The following PRKDC variants were observed in gnomAD, a reference collection of about 807,000 sequenced individuals.
PRKDC encodes DNA-dependent protein kinase catalytic subunit.
In PRKDC, 82 loss-of-function variants were observed where a neutral mutation model predicts 486.9. That is an observed-to-expected ratio of 0.17 (90% CI 0.14 to 0.20). PRKDC has a LOEUF of 0.20. Ranked by LOEUF, PRKDC falls within the 10% of genes least tolerant of loss-of-function variation. The probability of loss-of-function intolerance (pLI) is 1.00; values close to 1 mark genes in which losing one functional copy is unlikely to be tolerated. For missense variants in PRKDC, 4,504 were observed against 5,038.2 expected (o/e 0.89, Z 3.21); for synonymous variants, 1,895 against 1,837.0 (o/e 1.03, Z -0.81).
At chr8:47,953,748 T>C in intron 6 of PRKDC, 29 bp from the exon 7 acceptor site, 3 of 1,592,020 alleles carry the variant, frequency 1.9e-6, no homozygotes, top group Non-Finnish European at 2.6e-6. Flanking sequence ...GAAGATGTCA[T>C]TACAAGAGAA....
At chr8:47,830,789 A>G in intron 60 of PRKDC, 53 bp from the exon 61 acceptor site, 9 of 1,609,108 alleles carry the variant, frequency 5.6e-6, no homozygotes, top group Non-Finnish European at 7.7e-6. Context: ...GAAGGAAACT[A>G]GTCGTGCATG....
chr8:47,842,773 C>T (rs1156460658), intron 54 of PRKDC, among the ~76,000 whole-genome samples: 2 of 152,172 alleles, frequency 1.3e-5, no homozygotes, highest in Non-Finnish European at 2.9e-5. Flanking sequence ...ATTCAGAATC[C>T]GGATGGCGAG....
intron 40 of PRKDC, 140 bp from the exon 41 acceptor site, chr8:47,864,903 C>A: frequency 2.9e-6 from 2 of 679,214 alleles, no homozygotes; most frequent in Non-Finnish European, 4.5e-6. Flanking sequence ...TATGCAAAAT[C>A]CACAAAACAC....
At chr8:47,859,534 T>C in intron 46 of PRKDC, 77 bp downstream of exon 46, 1 of 1,491,154 alleles carries the variant, frequency 6.7e-7, no homozygotes, top group Non-Finnish European at 9.1e-7. Flanking sequence ...CTTCCTGTAG[T>C]AACAGCAAGG....
At chr8:47,800,702 C>A in intron 71 of PRKDC, 91 bp downstream of exon 71, 2 of 1,183,312 alleles carry the variant, frequency 1.7e-6, no homozygotes, top group Non-Finnish European at 2.3e-6. Context: ...AAACACAAAG[C>A]AACATCCTTA....
At chr8:47,790,290 A>C (rs2086862935) in intron 74 of PRKDC, among the ~76,000 whole-genome samples, 1 of 152,256 alleles carries the variant, frequency 6.6e-6, no homozygotes, top group Admixed American at 6.5e-5. Flanking sequence ...GAAATCATAG[A>C]AGTAATTCTA....
At chr8:47,943,117 T>A (rs2090473171) in intron 10 of PRKDC, 92 bp downstream of exon 10, 2 of 1,404,346 alleles carry the variant, frequency 1.4e-6, no homozygotes, top group Non-Finnish European at 1.9e-6. Flanking sequence ...ACAGATCAAC[T>A]TGTATTTATT....
chr8:47,893,309 C>G lies in PRKDC; in HGVS notation c.3677G>C (p.Gly1226Ala). ...GVSFLINTFE[G>A]GGCGQPSGIL... ...GCCCGAGGGCTGGCCACAGCCACCC[C>G]CCTCAAAGGTGTTGATGAGAAAAGA... The change falls in exon 31 of 86, where the codon GGG becomes GCG. Residue 1226 changes from glycine to alanine, a missense_variant. Physicochemically the swap from Gly to Ala is moderately conservative, Grantham distance 60. Around this residue, in one of 6 missense-constraint regions of PRKDC, gnomAD observed 1,969 missense variants for 2,068.9 expected, o/e 0.95. Coordinates refer to ENST00000314191, the MANE Select transcript of PRKDC (RefSeq NM_006904.7). 1.9e-6 allele frequency: 3 copies of G among 1,603,712 alleles called. No homozygotes were observed. Among genetic ancestry groups the G allele is most frequent in the African/African-American group, 1.3e-5 (1 of 74,860 alleles).
intron 68 of PRKDC, among the ~76,000 whole-genome samples, chr8:47,817,024 G>A (rs1339746043): frequency 6.6e-6 from 1 of 152,184 alleles, no homozygotes; most frequent in African/African-American, 2.4e-5. Flanking sequence ...TGAGACCTGG[G>A]AAAGTGACAC....
chr8:47,801,143 C>G (rs2087100056), intron 70 of PRKDC, among the ~76,000 whole-genome samples, 157 bp from the exon 71 acceptor site: 1 of 152,200 alleles, frequency 6.6e-6, no homozygotes, highest in Admixed American at 6.5e-5. Flanking sequence ...ACGATTTTGG[C>G]TCACTGCAAC....
At position 47,807,332 on chromosome 8, in the gene PRKDC, C is replaced by A; in HGVS notation, c.9558-6G>T. 6.5e-7 allele frequency: 1 copy of A among 1,528,212 alleles called. No individual in the cohort carries two copies. Among genetic ancestry groups the A allele is most frequent in the Non-Finnish European group, 8.8e-7 (1 of 1,136,158 alleles). 94.7% of individuals were successfully genotyped at this position (1,528,212 alleles called of 1,614,324 possible). A position where few individuals can be genotyped will look rare whatever the true frequency, so the allele number is the denominator to read the frequency against. Reference sequence around the variant, plus strand: ...TTTTGCTGAGAAAGAAACATCTACACAAAGAAAAATGAGACAATGTCACAG... The same window carrying A: ...TTTTGCTGAGAAAGAAACATCTACAAAAAGAAAAATGAGACAATGTCACAG... On this transcript the variant is annotated splice_polypyrimidine_tract_variant and splice_region_variant and intron_variant, in intron 68 of 85. Transcript: ENST00000314191.
At chr8:47,902,901 T>C (rs1320207295) in intron 26 of PRKDC, 106 bp from the exon 27 acceptor site, 3 of 758,812 alleles carry the variant, frequency 4.0e-6, no homozygotes, top group African/African-American at 3.6e-5. Context: ...TAAAAATTAA[T>C]TTATAGCACT....
intron 74 of PRKDC, among the ~76,000 whole-genome samples, chr8:47,791,982 G>C (rs956185826): frequency 5.3e-5 from 8 of 152,094 alleles, no homozygotes; most frequent in African/African-American, 1.9e-4. Flanking sequence ...AGAAAATGCA[G>C]TACATACATG....
chr8:47,862,864 G>GT (rs1372337548), intron 42 of PRKDC, among the ~76,000 whole-genome samples: 1 of 152,196 alleles, frequency 6.6e-6, no homozygotes, highest in Admixed American at 6.5e-5. Flanking sequence ...CACTGATGAG[G>GT]TAAGACAGCA....
In PRKDC at chr8:47,839,239, C is replaced by T. The variant is rs2088091280; in HGVS notation, c.7462G>A (p.Glu2488Lys). The change falls in exon 56 of 86, where the codon GAA becomes AAA. Residue 2488 changes from glutamate (E) to lysine (K), a missense_variant. Physicochemically the swap from Glu to Lys is moderately conservative, Grantham distance 56. Coordinates refer to ENST00000314191, the MANE Select transcript of PRKDC (RefSeq NM_006904.7). ...TGGGAGTCATTATCTGTCTCACTTTCTGGATCTCTGCTTGAGAAAACAGCA... is the reference window on the plus strand; with the variant it reads ...TGGGAGTCATTATCTGTCTCACTTTTTGGATCTCTGCTTGAGAAAACAGCA... ...MWIHDNYRDP[E>K]SETDNDSQEI... 1.2e-6 allele frequency: 2 copies of T among 1,612,188 alleles called. No individual in the cohort carries two copies. Among genetic ancestry groups the T allele is most frequent in the Non-Finnish European group, 1.7e-6 (2 of 1,178,548 alleles).
chr8:47,864,624 C>A lies in PRKDC; in HGVS notation c.5503G>T (p.Ala1835Ser). ...LTLLWHCSLD[A>S]LREFFSTIVV... ...ATTGTGCTGAAGAATTCTCTCAAAG[C>A]ATCCAGGCTACAGTGCCACAGCAGA... Residue 1835 changes from alanine to serine, a missense_variant, in exon 41 of 86, where the codon GCT becomes TCT. This residue lies in a region of PRKDC where 1,969 missense variants were observed against 2,068.9 expected (regional missense o/e 0.95). Coordinates refer to ENST00000314191, the MANE Select transcript of PRKDC (RefSeq NM_006904.7). 1 of 1,609,910 alleles carries A rather than the reference C, an allele frequency of 6.2e-7. No homozygotes were observed. The highest frequency in any genetic ancestry group is 1.1e-5 in the South Asian group (1 of 90,142).
chr8:47,944,484 T>TAAAAAAAAAAAAAAAAAAA (rs75220935), intron 7 of PRKDC, among the ~76,000 whole-genome samples: 1 of 99,016 alleles, frequency 1.0e-5, no homozygotes, highest in Non-Finnish European at 2.4e-5. Context: ...AGAAAAAAAT[T>TAAAAAAAAAAAAAAAAAAA]AAAAAAAAAA....
At chr8:47,862,172 T>G in intron 43 of PRKDC, 45 bp from the exon 44 acceptor site, 1 of 1,486,222 alleles carries the variant, frequency 6.7e-7, no homozygotes, top group East Asian at 2.5e-5. Flanking sequence ...ATGGTGAAGA[T>G]CCTCATAATC....
intron 40 of PRKDC, among the ~76,000 whole-genome samples, chr8:47,872,652 CAAAAT>C (rs1451789871): frequency 6.6e-6 from 1 of 151,904 alleles, no homozygotes; most frequent in Non-Finnish European, 1.5e-5. Context: ...TTACATCAGA[CAAAAT>C]AGATTTCAAG....
Sources: gnomAD v4.1 joint callset for allele counts (sites outside exome capture counted in the v4.1 genomes callset) on GRCh38, gnomAD v4.1.1 for gene constraint, gnomAD v4.1.1 regional missense constraint, MANE v1.5 for transcripts, NCBI Gene and HGNC (gene_info 2026-07-23, HGNC 2026-07-21) for gene names.